Variants in TMEM39A observed in about 807,000 individuals in gnomAD.
TMEM39A encodes the protein suppressor of SQST-1 aggregates in rpl-43 mutants.
A neutral mutation model predicts 51.9 loss-of-function variants in TMEM39A; 19 were observed. The ratio of observed to expected loss-of-function variants is 0.37; its 90% confidence interval spans 0.26 to 0.54. The LOEUF (loss-of-function observed/expected upper bound fraction) is 0.54. Ranked by LOEUF, TMEM39A falls within the 20% of genes least tolerant of loss-of-function variation. The probability of loss-of-function intolerance (pLI) is 0.88; values close to 1 mark genes in which losing one functional copy is unlikely to be tolerated. For missense variants in TMEM39A, 433 were observed against 590.5 expected (o/e 0.73, Z 2.76); for synonymous variants, 197 against 220.2 (o/e 0.89, Z 0.93).
Position 119,436,993 on chromosome 3 carries a change from A to T in TMEM39A, c.925-15T>A, listed in dbSNP as rs182283949. 39 of 1,603,280 alleles carry T rather than the reference A, an allele frequency of 2.4e-5. No individual in the cohort carries two copies. Among genetic ancestry groups the T allele is most frequent in the Middle Eastern group, 1.7e-4 (1 of 6,020 alleles). ...TACTGGGTACTCTGGAAGAGATCAG[A>T]AGAGAGAGAAATGATCCATGCACTG... On this transcript the variant is annotated splice_polypyrimidine_tract_variant and intron_variant, in intron 6 of 8. Coordinates refer to ENST00000319172, the MANE Select transcript of TMEM39A (RefSeq NM_018266.3).
intron 3 of TMEM39A, among the ~76,000 whole-genome samples, chr3:119,455,339 T>TCA (rs2081250597): frequency 6.6e-6 from 1 of 152,226 alleles, no homozygotes; most frequent in African/African-American, 2.4e-5. Flanking sequence ...ATTTGCTATT[T>TCA]CACATGTTAC....
At chr3:119,444,122 A>C (rs2081093261) in intron 5 of TMEM39A, among the ~76,000 whole-genome samples, 1 of 135,632 alleles carries the variant, frequency 7.4e-6, no homozygotes, top group African/African-American at 2.9e-5. Context: ...CATTGTTTTA[A>C]GGGGTGTGGA....
rs1254662741 is a variant in TMEM39A at position 119,431,235 on chromosome 3, T to G, written c.*746A>C. ...ATTTGCACTCAGCTTCTCCTACTGA[T>G]CCAGCCACACATCATCTTCTTCATG... On this transcript the variant is annotated 3_prime_UTR_variant, in exon 9 of 9. Transcript: ENST00000319172. The G allele has an allele frequency of 6.6e-6, 1 of 152,120 alleles. No individual in the cohort carries two copies. The highest frequency in any genetic ancestry group is 2.4e-5 in the African/African-American group (1 of 41,432). 9.4% of individuals were successfully genotyped at this position (152,120 alleles called of 1,614,324 possible).
chr3:119,447,468 A>G (rs1577058285), intron 4 of TMEM39A, among the ~76,000 whole-genome samples: 1 of 152,146 alleles, frequency 6.6e-6, no homozygotes, highest in East Asian at 1.9e-4. Flanking sequence ...TGTTCCACGG[A>G]TCACATTATT....
chr3:119,438,210 C>G, intron 5 of TMEM39A, 107 bp from the exon 6 acceptor site: 1 of 785,652 alleles, frequency 1.3e-6, no homozygotes, highest in Non-Finnish European at 1.9e-6. Context: ...AGTCAGGACC[C>G]GCAGGAGTAA....
intron 5 of TMEM39A, among the ~76,000 whole-genome samples, chr3:119,443,402 T>A (rs1223672188): frequency 3.9e-5 from 6 of 152,206 alleles, no homozygotes; most frequent in Non-Finnish European, 7.3e-5. Context: ...CCAACTTCAC[T>A]GTTGTCTTAT....
chr3:119,458,029 A>C lies in TMEM39A; in HGVS notation c.325T>G (p.Cys109Gly), dbSNP rs1230227561. 6.2e-7 allele frequency: 1 copy of C among 1,613,578 alleles called. No individual in the cohort carries two copies. Residue 109 changes from cysteine to glycine, a missense_variant, in exon 3 of 9, where the codon TGT (cysteine) becomes GGT (glycine). Cys to Gly is a radical substitution (Grantham distance 159). Transcript: ENST00000319172. ...WWYPYNHPAS[C>G]TSLNFHLIDY... ...TGAGTAAGACTTACCAGTGATGTAC[A>C]AGAAGCAGGATGATTGTAAGGATAC...
intron 5 of TMEM39A, among the ~76,000 whole-genome samples, chr3:119,443,242 T>C (rs1321202091): frequency 1.3e-5 from 2 of 152,122 alleles, no homozygotes; most frequent in Admixed American, 1.3e-4. Flanking sequence ...TTTAGAATAT[T>C]ATATAAACTT....
At chr3:119,462,181 AG>A in intron 1 of TMEM39A, 33 bp from the exon 2 acceptor site, 1 of 760,824 alleles carries the variant, frequency 1.3e-6, no homozygotes, top group Non-Finnish European at 2.2e-6. Context: ...AAACATCAGT[AG>A]ACTATTTTTA....
At chr3:119,450,850 A>AAC (rs2081188920) in intron 4 of TMEM39A, among the ~76,000 whole-genome samples, 1 of 151,222 alleles carries the variant, frequency 6.6e-6, no homozygotes, top group South Asian at 2.1e-4. Context: ...AAAAAAAAAA[A>AAC]AGAATTGCAA....
chr3:119,460,956 T>C (rs1016724597), intron 2 of TMEM39A, among the ~76,000 whole-genome samples: 1 of 152,238 alleles, frequency 6.6e-6, no homozygotes, highest in African/African-American at 2.4e-5. Flanking sequence ...TTTTTAAGTA[T>C]ATAAAATAAT....
intron 5 of TMEM39A, among the ~76,000 whole-genome samples, chr3:119,439,924 C>T (rs569685013): frequency 5.9e-5 from 9 of 152,256 alleles, no homozygotes; most frequent in African/African-American, 1.7e-4. Flanking sequence ...CATGCCATTA[C>T]ACGCGGCTAA....
intron 5 of TMEM39A, among the ~76,000 whole-genome samples, chr3:119,442,729 G>A (rs1257459903): frequency 5.3e-5 from 8 of 152,048 alleles, no homozygotes; most frequent in Admixed American, 3.9e-4. Context: ...GAAAGTAACC[G>A]CAAATGTGGA....
At chr3:119,443,348 G>T (rs1370423253) in intron 5 of TMEM39A, among the ~76,000 whole-genome samples, 1 of 152,158 alleles carries the variant, frequency 6.6e-6, no homozygotes, top group East Asian at 1.9e-4. Flanking sequence ...CACATCACAT[G>T]CTACAGAGAT....
chr3:119,434,089 C>T (rs900872997), intron 8 of TMEM39A, among the ~76,000 whole-genome samples: 1 of 152,190 alleles, frequency 6.6e-6, no homozygotes, highest in Non-Finnish European at 1.5e-5. Flanking sequence ...CAGTCCCCTG[C>T]AGGCACCTAC....
intron 5 of TMEM39A, among the ~76,000 whole-genome samples, chr3:119,443,463 C>T (rs1393867929): frequency 6.6e-6 from 1 of 152,200 alleles, no homozygotes; most frequent in Non-Finnish European, 1.5e-5. Flanking sequence ...CCACCCTGAT[C>T]AGTCAGCAGC....
At position 119,436,947 on chromosome 3, in the gene TMEM39A, C is replaced by T. The variant is rs1358119754; in HGVS notation, c.956G>A (p.Cys319Tyr). Residue 319 changes from cysteine to tyrosine, a missense_variant, in exon 7 of 9, where the codon TGT (cysteine) becomes TAT (tyrosine). Cys to Tyr is a radical substitution (Grantham distance 194, BLOSUM62 -2). Transcript: ENST00000319172. Reference protein sequence around the residue: ...STQYYDMRWSCEHLIMVWINA... With the variant: ...STQYYDMRWSYEHLIMVWINA... ...GATCCACACCATAATGAGGTGCTCACATGACCAGCGCATGTCATAGTACTG... is the reference window on the plus strand; with the variant it reads ...GATCCACACCATAATGAGGTGCTCATATGACCAGCGCATGTCATAGTACTG... 6.2e-7 allele frequency: 1 copy of T among 1,613,818 alleles called. No homozygotes were observed. The highest frequency in any genetic ancestry group is 2.2e-5 in the East Asian group (1 of 44,874).
chr3:119,451,282 T>C (rs896399058), intron 4 of TMEM39A: 11 of 1,288,440 alleles, frequency 8.5e-6, no homozygotes, highest in Non-Finnish European at 1.1e-5. Flanking sequence ...CTTCCAGAAA[T>C]AGGGTTCCTG....
chr3:119,459,101 AAAAAGAATG>A (rs1274674156), intron 2 of TMEM39A, among the ~76,000 whole-genome samples: 3 of 152,146 alleles, frequency 2.0e-5, no homozygotes, highest in Non-Finnish European at 2.9e-5. Context: ...CTAGACTCCC[AAAAAGAATG>A]CAGGTGTTCA....
Sources: gnomAD v4.1 joint callset for allele counts (sites outside exome capture counted in the v4.1 genomes callset) on GRCh38, gnomAD v4.1.1 for gene constraint, MANE v1.5 for transcripts, NCBI Gene and HGNC (gene_info 2026-07-23, HGNC 2026-07-21) for gene names.